Variants in DNAJB6 observed in about 807,000 individuals in gnomAD.
DNAJB6 encodes the protein dnaJ homolog subfamily B member 6.
A neutral mutation model predicts 42.7 loss-of-function variants in DNAJB6; 16 were observed. The observed-to-expected ratio is 0.37, with a 90% CI of 0.25 to 0.57. The LOEUF (loss-of-function observed/expected upper bound fraction) is 0.57. Ranked by LOEUF, DNAJB6 falls within the 20% of genes least tolerant of loss-of-function variation. DNAJB6 has a pLI of 0.74. For synonymous variants in DNAJB6, 170 were observed against 163.5 expected, an observed-to-expected ratio of 1.04 and a Z score of -0.30; for missense variants, 347 against 416.8, an observed-to-expected ratio of 0.83 and a Z score of 1.46.
chr7:157,370,017 G>GAGGCCCTTTCTTAACATTATTATTAAAC (rs1800096266), intron 5 of DNAJB6, among the ~76,000 whole-genome samples: 1 of 118,328 alleles, frequency 8.5e-6, no homozygotes, highest in African/African-American at 3.7e-5. Flanking sequence ...TATTATTAAA[G>GAGGCCCTTTCTTAACATTATTATTAAAC]AGGCCCTTTC....
chr7:157,341,005 C>T (rs1408201167), intron 1 of DNAJB6, among the ~76,000 whole-genome samples: 2 of 144,892 alleles, frequency 1.4e-5, no homozygotes, highest in Non-Finnish European at 3.1e-5. Flanking sequence ...TGTGCGCGCG[C>T]GCAGGTGGAA....
rs1059752 is a variant in DNAJB6 at position 157,416,857 on chromosome 7, C to T, written c.*759C>T. 0.36 allele frequency: 54,196 copies of T among 152,016 alleles called. 11,091 individuals carry two copies. Among genetic ancestry groups the T allele is most frequent in the Admixed American group, 0.48 (7,275 of 15,260 alleles). 9.4% of individuals were successfully genotyped at this position (152,016 alleles called of 1,614,324 possible). The stretch of plus-strand genomic sequence containing the variant: ...GAAAACGGGCCGGTATTTACACACG[C>T]GCAAAACACCCAGAGACGGCACAAG... On this transcript the variant is annotated 3_prime_UTR_variant, in exon 10 of 10. Coordinates refer to ENST00000262177, the MANE Select transcript of DNAJB6 (RefSeq NM_058246.4).
intron 1 of DNAJB6, among the ~76,000 whole-genome samples, chr7:157,344,289 C>T (rs868520551): frequency 6.6e-6 from 1 of 151,796 alleles, no homozygotes; most frequent in Admixed American, 6.6e-5. Context: ...TGCAGTGAGC[C>T]GAGATCCCTC....
chr7:157,353,217 C>T (rs574792419), intron 1 of DNAJB6, among the ~76,000 whole-genome samples: 8 of 150,654 alleles, frequency 5.3e-5, no homozygotes, highest in East Asian at 2.0e-4. Context: ...TGTGAGCTGC[C>T]GCACCCGGTC....
intron 8 of DNAJB6, among the ~76,000 whole-genome samples, chr7:157,403,270 A>C (rs982980339): frequency 4.6e-5 from 7 of 152,202 alleles, no homozygotes; most frequent in Admixed American, 6.5e-5. Flanking sequence ...ACAACAGGGC[A>C]GAGGAAGCAG....
chr7:157,388,414 A>T (rs1166479478), intron 8 of DNAJB6, among the ~76,000 whole-genome samples: 1 of 152,154 alleles, frequency 6.6e-6, no homozygotes, highest in African/African-American at 2.4e-5. Context: ...TTTTTGGTAA[A>T]TTCAACAGTC....
At chr7:157,354,339 G>A (rs1799163785) in intron 1 of DNAJB6, among the ~76,000 whole-genome samples, 1 of 151,928 alleles carries the variant, frequency 6.6e-6, no homozygotes, top group Non-Finnish European at 1.5e-5. Context: ...TAGAGACAAG[G>A]TTGCTCCATG....
At chr7:157,402,167 C>T (rs1012155135) in intron 8 of DNAJB6, among the ~76,000 whole-genome samples, 3 of 152,222 alleles carry the variant, frequency 2.0e-5, no homozygotes, top group Non-Finnish European at 4.4e-5. Context: ...CCCTATGTTG[C>T]CCAGGCTGGT....
chr7:157,382,221 AGTGT>A (rs1233602116), intron 5 of DNAJB6, 21 bp from the exon 6 acceptor site: 2 of 1,561,798 alleles, frequency 1.3e-6, no homozygotes, highest in Non-Finnish European at 1.7e-6. Context: ...AAGACTTCAT[AGTGT>A]GTGTTTATGT....
rs201246553 is a variant in DNAJB6, at chr7:157,363,305, G to A, written c.175+35G>A. ...AGCGAGCTGCTGAAGGACCCTGAGC[G>A]GGCATGCCGGAATGCGGAGTGGGTG... On this transcript the variant is annotated intron_variant, in intron 3 of 9. Transcript: ENST00000262177. 2.2e-4 allele frequency: 326 copies of A among 1,450,304 alleles called. 3 individuals are homozygous for A. The highest frequency in any genetic ancestry group is 6.9e-4 in the Middle Eastern group (4 of 5,772). The allele number at this position is 1,450,304 out of a possible 1,614,324, so 89.8% of individuals were successfully genotyped here. A position where few individuals can be genotyped will look rare whatever the true frequency, so the allele number is the denominator to read the frequency against.
chr7:157,376,396 T>G (rs1800475219), intron 5 of DNAJB6, among the ~76,000 whole-genome samples: 1 of 152,182 alleles, frequency 6.6e-6, no homozygotes, highest in African/African-American at 2.4e-5. Context: ...ATTGCAAAAT[T>G]TTAAAGAAGC....
chr7:157,384,632 G>A (rs1800959536), intron 6 of DNAJB6, among the ~76,000 whole-genome samples: 1 of 152,216 alleles, frequency 6.6e-6, no homozygotes, highest in African/African-American at 2.4e-5. Context: ...GAGAGGGGGA[G>A]GGGAGAGGCT....
chr7:157,362,193 C>T (rs186466212), intron 2 of DNAJB6, among the ~76,000 whole-genome samples: 3 of 152,212 alleles, frequency 2.0e-5, no homozygotes, highest in Admixed American at 2.0e-4. Flanking sequence ...GAATCTGGCA[C>T]AGAGGGTGTT....
intron 6 of DNAJB6, among the ~76,000 whole-genome samples, chr7:157,384,612 T>C (rs752901769): frequency 6.6e-6 from 1 of 152,124 alleles, no homozygotes; most frequent in Non-Finnish European, 1.5e-5. Context: ...CCCGCGAAGC[T>C]CTGCATGAGG....
At chr7:157,386,757 G>A (rs997604650) in intron 8 of DNAJB6, among the ~76,000 whole-genome samples, 2 of 152,030 alleles carry the variant, frequency 1.3e-5, no homozygotes, top group Non-Finnish European at 2.9e-5. Context: ...GGTGGCAGGC[G>A]CCTGTAATCC....
chr7:157,353,691 G>A (rs1436410247), intron 1 of DNAJB6, among the ~76,000 whole-genome samples: 1 of 150,686 alleles, frequency 6.6e-6, no homozygotes, highest in African/African-American at 2.4e-5. Flanking sequence ...ATAGGGTCTC[G>A]TTCTGTTGCC....
At chr7:157,369,784 CATTATT>C (rs1361203050) in intron 5 of DNAJB6, among the ~76,000 whole-genome samples, 1 of 143,994 alleles carries the variant, frequency 6.9e-6, no homozygotes, top group Non-Finnish European at 1.5e-5. Flanking sequence ...CCTTTCATAA[CATTATT>C]ATTAAACGAG....
intron 1 of DNAJB6, among the ~76,000 whole-genome samples, chr7:157,340,998 GCGCGCGCGCA>G (rs1798345960): frequency 7.4e-6 from 1 of 134,960 alleles, no homozygotes; most frequent in African/African-American, 3.2e-5. Flanking sequence ...GTGTGTGTGT[GCGCGCGCGCA>G]GGTGGAATCA....
chr7:157,376,620 C>A (rs953478424), intron 5 of DNAJB6, among the ~76,000 whole-genome samples: 1 of 152,152 alleles, frequency 6.6e-6, no homozygotes, highest in Non-Finnish European at 1.5e-5. Context: ...CAGATCATAA[C>A]CTGTAATCCC....
Sources: gnomAD v4.1 joint callset for allele counts (sites outside exome capture counted in the v4.1 genomes callset) on GRCh38, gnomAD v4.1.1 for gene constraint, MANE v1.5 for transcripts, NCBI Gene and HGNC (gene_info 2026-07-23, HGNC 2026-07-21) for gene names.